Variants in KCND2 observed in about 807,000 individuals in gnomAD.
KCND2 encodes potassium voltage-gated channel subfamily D member 2.
A neutral mutation model predicts 54.4 loss-of-function variants in KCND2; 16 were observed. The observed-to-expected ratio is 0.29, with a 90% CI of 0.20 to 0.45. The LOEUF is 0.45. KCND2 is among the 20% of genes least tolerant of loss of function. The pLI, the probability that KCND2 is intolerant of heterozygous loss-of-function variation, is 1.00. For missense variants in KCND2, 486 were observed against 824.2 expected, an observed-to-expected ratio of 0.59 and a Z score of 5.02; for synonymous variants, 317 against 310.7, an observed-to-expected ratio of 1.02 and a Z score of -0.21.
At chr7:120,443,462 A>G (rs1801973110) in intron 1 of KCND2, among the ~76,000 whole-genome samples, 2 of 151,846 alleles carry the variant, frequency 1.3e-5, no homozygotes, top group African/African-American at 4.8e-5. Flanking sequence ...AGACATTGAC[A>G]TTATCATAAT....
At chr7:120,442,510 G>GCAAAAGTCA (rs1476511790) in intron 1 of KCND2, among the ~76,000 whole-genome samples, 1 of 151,342 alleles carries the variant, frequency 6.6e-6, no homozygotes, top group African/African-American at 2.4e-5. Context: ...AGTAAGTGGT[G>GCAAAAGTCA]ACCTAAAAGT....
intron 1 of KCND2, among the ~76,000 whole-genome samples, chr7:120,384,998 C>CT (rs372225817): frequency 0.12 from 9,417 of 81,834 alleles, 2,002 homozygotes; most frequent in African/African-American, 0.34. Context: ...TTGTATATAA[C>CT]TTTTTTTTTT....
chr7:120,387,324 G>T (rs890357705), intron 1 of KCND2, among the ~76,000 whole-genome samples: 1 of 151,966 alleles, frequency 6.6e-6, no homozygotes, highest in African/African-American at 2.4e-5. Context: ...ATGTAACTTT[G>T]TTTTGCCCGT....
intron 1 of KCND2, among the ~76,000 whole-genome samples, chr7:120,481,134 C>T (rs1468918413): frequency 1.3e-5 from 2 of 152,146 alleles, no homozygotes; most frequent in Non-Finnish European, 2.9e-5. Context: ...ATGAGGAATA[C>T]GGTATTGCAA....
intron 1 of KCND2, among the ~76,000 whole-genome samples, chr7:120,540,718 G>A (rs769457752): frequency 9.8e-4 from 149 of 152,172 alleles, no homozygotes; most frequent in African/African-American, 3.4e-3. Context: ...ACTTCCAACC[G>A]CTATAATGGA....
intron 1 of KCND2, among the ~76,000 whole-genome samples, chr7:120,568,554 C>T (rs981194749): frequency 2.6e-5 from 4 of 152,088 alleles, no homozygotes; most frequent in African/African-American, 9.7e-5. Flanking sequence ...AAATATGTGG[C>T]AAATGTTCCA....
At chr7:120,666,238 A>G (rs1791924860) in intron 1 of KCND2, among the ~76,000 whole-genome samples, 1 of 151,986 alleles carries the variant, frequency 6.6e-6, no homozygotes, top group African/African-American at 2.4e-5. Context: ...GACATTTGAG[A>G]TCTAAAGAAC....
At chr7:120,352,469 C>T (rs867209767) in intron 1 of KCND2, among the ~76,000 whole-genome samples, 3,226 of 141,020 alleles carry the variant, frequency 0.023, 53 homozygotes, top group African/African-American at 0.033. Flanking sequence ...TACACACACA[C>T]ACACACACAC....
chr7:120,646,474 T>G (rs879865677), intron 1 of KCND2, among the ~76,000 whole-genome samples: 1 of 152,246 alleles, frequency 6.6e-6, no homozygotes, highest in Non-Finnish European at 1.5e-5. Flanking sequence ...CTTTCAATTT[T>G]GTTTATGGTG....
chr7:120,664,595 C>T (rs1013174416), intron 1 of KCND2, among the ~76,000 whole-genome samples: 3 of 152,038 alleles, frequency 2.0e-5, no homozygotes, highest in African/African-American at 4.8e-5. Flanking sequence ...GCAGAGGCCA[C>T]AGATAGAGCT....
At chr7:120,569,871 G>A (rs924670375) in intron 1 of KCND2, among the ~76,000 whole-genome samples, 3 of 150,264 alleles carry the variant, frequency 2.0e-5, no homozygotes, top group Middle Eastern at 3.4e-3. Context: ...GACCACAACA[G>A]TGACAGGTTG....
At chr7:120,590,692 T>A (rs1361180526) in intron 1 of KCND2, among the ~76,000 whole-genome samples, 3 of 152,206 alleles carry the variant, frequency 2.0e-5, no homozygotes, top group Admixed American at 2.0e-4. Context: ...TGAGGCATTC[T>A]GAGTATTCTA....
intron 1 of KCND2, among the ~76,000 whole-genome samples, chr7:120,663,476 A>AT (rs1005452482): frequency 6.6e-6 from 1 of 152,134 alleles, no homozygotes; most frequent in African/African-American, 2.4e-5. Context: ...AAAAACTTCA[A>AT]TTTTTTAACT....
At chr7:120,326,792 G>A (rs1368066995) in intron 1 of KCND2, among the ~76,000 whole-genome samples, 3 of 152,060 alleles carry the variant, frequency 2.0e-5, no homozygotes, top group Non-Finnish European at 4.4e-5. Flanking sequence ...GGTCTGCCTT[G>A]TTTACAGCAG....
chr7:120,614,044 G>T (rs369839019), intron 1 of KCND2, among the ~76,000 whole-genome samples: 12 of 136,946 alleles, frequency 8.8e-5, no homozygotes, highest in African/African-American at 2.2e-4. Flanking sequence ...ATGGAGTTTT[G>T]CTCTGTCTTC....
chr7:120,307,583 T>C (rs1472598504), intron 1 of KCND2, among the ~76,000 whole-genome samples: 1 of 152,110 alleles, frequency 6.6e-6, no homozygotes, highest in Admixed American at 6.6e-5. Context: ...GACCGTCTTC[T>C]CAGTAATAGA....
intron 1 of KCND2, among the ~76,000 whole-genome samples, chr7:120,290,403 T>C (rs1282335884): frequency 1.3e-5 from 2 of 152,068 alleles, no homozygotes; most frequent in African/African-American, 4.8e-5. Flanking sequence ...TTCATTCCTC[T>C]GCAAAACTCT....
chr7:120,443,941 G>A (rs1192072901), intron 1 of KCND2, among the ~76,000 whole-genome samples: 1 of 152,012 alleles, frequency 6.6e-6, no homozygotes, highest in Non-Finnish European at 1.5e-5. Context: ...AAGGTGGTGT[G>A]CTTTACTCCC....
chr7:120,725,985 G>A (rs1792729145), intron 1 of KCND2, among the ~76,000 whole-genome samples: 1 of 152,186 alleles, frequency 6.6e-6, no homozygotes, highest in African/African-American at 2.4e-5. Context: ...CTTTCATTTA[G>A]TGGGCGCTAA....
Sources: allele counts gnomAD v4.1 joint callset (sites outside exome capture counted in the v4.1 genomes callset), GRCh38; gene constraint gnomAD v4.1.1; transcripts MANE v1.5; gene names NCBI Gene and HGNC (gene_info 2026-07-23, HGNC 2026-07-21).